Variants in AKAP6 observed in about 807,000 individuals in gnomAD.
AKAP6 encodes A-kinase anchoring protein 6.
AKAP6 carries 58 observed loss-of-function variants against 188.5 expected under a neutral mutation model. The ratio of observed to expected loss-of-function variants is 0.31; its 90% CI spans 0.25 to 0.38. The LOEUF (loss-of-function observed/expected upper bound fraction) is 0.38. Among genes scored for constraint, AKAP6 ranks in the 10% least tolerant of loss-of-function variants. The pLI is 1.00. For synonymous variants in AKAP6, 989 were observed against 998.6 expected, an observed-to-expected ratio of 0.99 and a Z score of 0.18; for missense variants, 2,710 against 2,740.0, an observed-to-expected ratio of 0.99 and a Z score of 0.24.
Position 32,773,885 on chromosome 14 carries a change from A to G in AKAP6, c.3580A>G (p.Lys1194Glu), listed in dbSNP as rs148588675. 360 of 1,613,930 alleles carry G rather than the reference A, an allele frequency of 2.2e-4. No homozygotes were observed. In the East Asian group the frequency reaches 7.7e-3, roughly 34 times the overall value. The change falls in exon 12 of 14, where the codon AAG (lysine) becomes GAG (glutamate). Residue 1194 changes from lysine (K) to glutamate (E), a missense_variant. Physicochemically the swap from Lys to Glu is moderately conservative, Grantham distance 56. Transcript: ENST00000280979. ...WQTRLQKKMGKESETLNVIDP... is the reference protein window; with the variant it reads ...WQTRLQKKMGEESETLNVIDP... ...AACACGTCTACAAAAGAAGATGGGA[A>G]AGGAATCTGTGAGTGATGCTTTTTT...
At chr14:32,829,404 AAGCCTGAG>A (rs1375368646) in intron 13 of AKAP6, among the ~76,000 whole-genome samples, 1 of 152,198 alleles carries the variant, frequency 6.6e-6, no homozygotes, top group African/African-American at 2.4e-5. Flanking sequence ...AGGAAGGGTT[AAGCCTGAG>A]AGCCTATCAG....
At chr14:32,378,250 G>A (rs1301472142) in intron 1 of AKAP6, among the ~76,000 whole-genome samples, 1 of 152,156 alleles carries the variant, frequency 6.6e-6, no homozygotes, top group East Asian at 1.9e-4. Flanking sequence ...TTTAGAGCAA[G>A]TATTAGATTT....
chr14:32,410,766 G>T (rs1407116344), intron 1 of AKAP6, among the ~76,000 whole-genome samples: 1 of 151,948 alleles, frequency 6.6e-6, no homozygotes, highest in Non-Finnish European at 1.5e-5. Flanking sequence ...ATATTAATAG[G>T]TTTTTTGTTT....
At chr14:32,453,780 G>T (rs1891028216) in intron 2 of AKAP6, among the ~76,000 whole-genome samples, 1 of 143,094 alleles carries the variant, frequency 7.0e-6, no homozygotes, top group African/African-American at 2.5e-5. Flanking sequence ...TGTATTTTTA[G>T]TAGAGACGGG....
Position 32,349,292 on chromosome 14 carries a change from C to A in AKAP6, c.-35+19884C>A, listed in dbSNP as rs12889258. Among the ~76,000 whole-genome samples the A allele has an allele frequency of 2.6e-4, 39 of 151,888 alleles. 1 individual carries two copies. Among genetic ancestry groups the A allele is most frequent in the Non-Finnish European group, 2.1e-4 (14 of 67,966 alleles). Reference sequence around the variant, plus strand: ...GTTTTTTTTCTTTTCTTTTTAGTGCCTTTCAAAACATTTCATTTAAACTTA... The same window carrying A: ...GTTTTTTTTCTTTTCTTTTTAGTGCATTTCAAAACATTTCATTTAAACTTA... On this transcript the variant is annotated intron_variant, in intron 1 of 13. Transcript: ENST00000280979.
chr14:32,805,845 C>T (rs2034074693), intron 12 of AKAP6, among the ~76,000 whole-genome samples: 1 of 151,844 alleles, frequency 6.6e-6, no homozygotes, highest in South Asian at 2.1e-4. Flanking sequence ...GTTTAGACAT[C>T]CAGGGGGTTA....
chr14:32,452,751 A>G (rs1198355669), intron 2 of AKAP6, among the ~76,000 whole-genome samples: 2 of 152,214 alleles, frequency 1.3e-5, no homozygotes, highest in Admixed American at 6.5e-5. Flanking sequence ...TTAATAAACA[A>G]TTCCTTGGTT....
At chr14:32,771,843 A>G (rs866805686) in intron 11 of AKAP6, among the ~76,000 whole-genome samples, 16 of 152,330 alleles carry the variant, frequency 1.1e-4, no homozygotes, top group Middle Eastern at 3.4e-3. Context: ...TTTACGCTTA[A>G]CAAGTTAACA....
intron 2 of AKAP6, among the ~76,000 whole-genome samples, chr14:32,495,785 T>C (rs1259228314): frequency 1.3e-5 from 2 of 152,208 alleles, no homozygotes; most frequent in Non-Finnish European, 2.9e-5. Flanking sequence ...TGTTAGTATA[T>C]TCCAGAACAT....
At chr14:32,437,671 A>T (rs1890430511) in intron 2 of AKAP6, among the ~76,000 whole-genome samples, 1 of 152,048 alleles carries the variant, frequency 6.6e-6, no homozygotes, top group Non-Finnish European at 1.5e-5. Context: ...ATCTGGGCTC[A>T]CTGCAACCTT....
intron 9 of AKAP6, among the ~76,000 whole-genome samples, chr14:32,698,184 G>A (rs1213084700): frequency 6.6e-6 from 1 of 152,076 alleles, no homozygotes; most frequent in Non-Finnish European, 1.5e-5. Context: ...AGAACTTCAG[G>A]TGGCTCCTAA....
rs145402837 is a variant in AKAP6 at position 32,625,157 on chromosome 14, A to G, written c.2730+24365A>G. On this transcript the variant is annotated intron_variant, in intron 7 of 13. Coordinates refer to ENST00000280979, the MANE Select transcript of AKAP6 (RefSeq NM_004274.5). ...ATAAGTAAACTTCCTTCCCACTGTG[A>G]AAAGGTTTCATTTATTGCTATTTGT... is the stretch of plus-strand genomic sequence containing the variant. 3.1e-3 allele frequency among the ~76,000 whole-genome samples: 475 copies of G among 152,234 alleles called. 1 individual carries two copies. Among genetic ancestry groups the G allele is most frequent in the African/African-American group, 0.011 (457 of 41,556 alleles).
intron 1 of AKAP6, among the ~76,000 whole-genome samples, chr14:32,410,503 C>T (rs1203759570): frequency 6.6e-6 from 1 of 152,140 alleles, no homozygotes; most frequent in Non-Finnish European, 1.5e-5. Context: ...CCAGGCTGTG[C>T]CGTAACCACC....
intron 9 of AKAP6, among the ~76,000 whole-genome samples, chr14:32,714,615 G>C (rs2030085584): frequency 1.3e-5 from 2 of 151,746 alleles, no homozygotes; most frequent in Non-Finnish European, 2.9e-5. Context: ...GTCTTTTGCT[G>C]CCTGTAATGG....
intron 2 of AKAP6, among the ~76,000 whole-genome samples, chr14:32,532,494 T>G (rs1272314895): frequency 1.3e-5 from 2 of 152,184 alleles, no homozygotes; most frequent in East Asian, 3.9e-4. Flanking sequence ...ATGACCTTGT[T>G]CTGACTACGT....
At chr14:32,543,455 A>G (rs1442832268) in intron 3 of AKAP6, among the ~76,000 whole-genome samples, 1 of 152,192 alleles carries the variant, frequency 6.6e-6, no homozygotes, top group Non-Finnish European at 1.5e-5. Flanking sequence ...GCTGATGGAC[A>G]CTGAGGTTGA....
At chr14:32,706,449 T>A (rs1231286276) in intron 9 of AKAP6, among the ~76,000 whole-genome samples, 1 of 152,034 alleles carries the variant, frequency 6.6e-6, no homozygotes, top group African/African-American at 2.4e-5. Flanking sequence ...GATGAAAACA[T>A]TTATGCTTTT....
At chr14:32,820,012 G>A (rs1383714192) in intron 12 of AKAP6, among the ~76,000 whole-genome samples, 1 of 151,992 alleles carries the variant, frequency 6.6e-6, no homozygotes, top group Admixed American at 6.6e-5. Context: ...TCAGCACTTC[G>A]CAAGCACTAG....
intron 1 of AKAP6, among the ~76,000 whole-genome samples, chr14:32,426,300 G>C (rs935309255): frequency 6.6e-6 from 1 of 152,080 alleles, no homozygotes; most frequent in African/African-American, 2.4e-5. Context: ...TAGGGAGAGA[G>C]GGGGAGAGGA....
Sources: gnomAD v4.1 joint callset for allele counts (sites outside exome capture counted in the v4.1 genomes callset) on GRCh38, gnomAD v4.1.1 for gene constraint, MANE v1.5 for transcripts, NCBI Gene and HGNC (gene_info 2026-07-23, HGNC 2026-07-21) for gene names.